LRRC69: variants seen among roughly 807,000 people sequenced by gnomAD.
The protein encoded by LRRC69 is leucine-rich repeat-containing protein 69.
LRRC69 carries 42 observed loss-of-function variants against 37.8 expected under a neutral mutation model. The observed-to-expected ratio is 1.11, with a 90% confidence interval of 0.87 to 1.44. The LOEUF (loss-of-function observed/expected upper bound fraction) is 1.44, where lower values mean the gene tolerates loss of function less well. Ranked by LOEUF, LRRC69 falls within the 40% of genes most tolerant of loss-of-function variation. The pLI is 0.00. For synonymous variants in LRRC69, 141 were observed against 143.1 expected (o/e 0.99, Z 0.11); for missense variants, 357 against 401.9 (o/e 0.89, Z 0.96).
chr8:91,185,858 G>A (rs909157407), intron 5 of LRRC69, among the ~76,000 whole-genome samples: 2 of 152,022 alleles, frequency 1.3e-5, no homozygotes, highest in Non-Finnish European at 2.9e-5. Context: ...AATGCACAGG[G>A]ATTTGTCATA....
At chr8:91,212,877 A>T (rs1809958745) in intron 7 of LRRC69, among the ~76,000 whole-genome samples, 1 of 151,978 alleles carries the variant, frequency 6.6e-6, no homozygotes, top group South Asian at 2.1e-4. Context: ...CAAAAATAAC[A>T]AAACAATTAG....
At chr8:91,133,483 C>A in intron 4 of LRRC69, 178 bp downstream of exon 4, 1 of 471,858 alleles carries the variant, frequency 2.1e-6, no homozygotes, top group Non-Finnish European at 3.6e-6. Flanking sequence ...TGAATTATCC[C>A]ACATAGCTAG....
chr8:91,207,628 A>T (rs561873473), intron 7 of LRRC69, among the ~76,000 whole-genome samples: 143 of 152,348 alleles, frequency 9.4e-4, no homozygotes, highest in African/African-American at 3.3e-3. Context: ...CTAGGGAGGC[A>T]TTTAGAATAG....
At chr8:91,137,201 T>C (rs7009170) in intron 5 of LRRC69, among the ~76,000 whole-genome samples, 110,490 of 151,820 alleles carry the variant, frequency 0.73, 41,539 homozygotes, top group African/African-American at 0.9. Context: ...CTTGAAAATG[T>C]GACATGGTTT....
intron 5 of LRRC69, among the ~76,000 whole-genome samples, chr8:91,153,971 A>G (rs954669478): frequency 1.3e-5 from 2 of 151,844 alleles, no homozygotes; most frequent in African/African-American, 4.8e-5. Context: ...ACTGCTAGCT[A>G]CACTAATAAA....
At chr8:91,158,158 A>G (rs1298034123) in intron 5 of LRRC69, 3 of 1,603,644 alleles carry the variant, frequency 1.9e-6, no homozygotes, top group Middle Eastern at 1.7e-4. Flanking sequence ...GGAAAATCCC[A>G]GAAAGATCTG....
chr8:91,133,219 C>T (rs1362631815), exon 4 of LRRC69: 3 of 1,542,246 alleles, frequency 1.9e-6, no homozygotes, highest in Non-Finnish European at 2.6e-6. Flanking sequence ...CTACAATCAG[C>T]TGATATGCAT....
intron 5 of LRRC69, among the ~76,000 whole-genome samples, chr8:91,159,766 T>C (rs10094429): frequency 0.68 from 102,517 of 150,876 alleles, 35,376 homozygotes; most frequent in Middle Eastern, 0.74. Context: ...CATGGCAAAA[T>C]ATTAACATCT....
chr8:91,193,096 A>C (rs1809530116), intron 6 of LRRC69, among the ~76,000 whole-genome samples: 4 of 143,018 alleles, frequency 2.8e-5, no homozygotes, highest in East Asian at 2.1e-4. Context: ...ACCATTTATT[A>C]AATAGGGAAT....
chr8:91,171,208 T>TATTG (rs1429695974), intron 5 of LRRC69, among the ~76,000 whole-genome samples: 7 of 152,040 alleles, frequency 4.6e-5, no homozygotes, highest in Non-Finnish European at 7.3e-5. Flanking sequence ...TCTCAACCAT[T>TATTG]TTTACATTAT....
At chr8:91,149,544 T>C (rs1477499595) in intron 5 of LRRC69, among the ~76,000 whole-genome samples, 1 of 151,756 alleles carries the variant, frequency 6.6e-6, no homozygotes, top group Non-Finnish European at 1.5e-5. Context: ...GTTCTTTTGG[T>C]TTTGGATCGA....
chr8:91,203,839 G>C (rs1286475615), intron 7 of LRRC69, among the ~76,000 whole-genome samples: 1 of 151,930 alleles, frequency 6.6e-6, no homozygotes, highest in Non-Finnish European at 1.5e-5. Context: ...AAGATTTCTA[G>C]CCGGGCACGG....
rs1813766976 is a variant in LRRC69 at position 91,129,202 on chromosome 8, A to C, written c.383+2042A>C. On this transcript the variant is annotated intron_variant, in intron 3 of 7. Transcript: ENST00000448384. Reference sequence around the variant, plus strand: ...AGAGGACAGCATGGGCATCCTGGTGACAGAATGAGTCTGGAAGACAGAGAG... The same window carrying C: ...AGAGGACAGCATGGGCATCCTGGTGCCAGAATGAGTCTGGAAGACAGAGAG... Among the ~76,000 whole-genome samples, 3 of 151,988 alleles carry C rather than the reference A, an allele frequency of 2.0e-5. 1 individual carries two copies. Among genetic ancestry groups the C allele is most frequent in the Admixed American group, 2.0e-4 (3 of 15,244 alleles).
chr8:91,190,603 C>A (rs1369572941), intron 6 of LRRC69, among the ~76,000 whole-genome samples: 2 of 152,014 alleles, frequency 1.3e-5, no homozygotes, highest in Non-Finnish European at 2.9e-5. Flanking sequence ...GAATAGCTTT[C>A]CAATCAGTAA....
chr8:91,124,008 G>C (rs116207841), intron 1 of LRRC69, among the ~76,000 whole-genome samples: 1,694 of 152,046 alleles, frequency 0.011, 41 homozygotes, highest in African/African-American at 0.039. Context: ...ACAGCCTGCA[G>C]TACCAGGCTG....
rs191538543 is a variant in LRRC69, at chr8:91,153,427, G to T, written c.651+17688G>T. 1.7e-4 allele frequency among the ~76,000 whole-genome samples: 25 copies of T among 150,774 alleles called. 4 individuals are homozygous for T. The highest frequency in any genetic ancestry group is 5.6e-4 in the African/African-American group (23 of 41,358). On this transcript the variant is annotated intron_variant, in intron 5 of 7. Transcript: ENST00000448384. ...GAATATACAGTCTTCTCAGTGCCAC[G>T]TGGTACTTACTCTAAAATTGATGAA...
exon 3 of LRRC69, chr8:91,127,136 C>T (rs1225685887): frequency 6.1e-5 from 95 of 1,548,106 alleles, no homozygotes; most frequent in South Asian, 1.6e-4. Flanking sequence ...AATCATCTTA[C>T]GCAGCTTCCT....
intron 6 of LRRC69, among the ~76,000 whole-genome samples, chr8:91,196,839 G>T (rs905004459): frequency 2.0e-5 from 3 of 152,124 alleles, no homozygotes; most frequent in Non-Finnish European, 2.9e-5. Context: ...CCTTCTCTCA[G>T]CTTGTCAAAG....
intron 5 of LRRC69, among the ~76,000 whole-genome samples, chr8:91,151,521 A>AT (rs1808737478): frequency 6.7e-6 from 1 of 148,666 alleles, no homozygotes; most frequent in Non-Finnish European, 1.5e-5. Flanking sequence ...TATGTACCAC[A>AT]TTTTTTTAAT....
Sources: gnomAD v4.1 joint callset for allele counts (sites outside exome capture counted in the v4.1 genomes callset) on GRCh38, gnomAD v4.1.1 for gene constraint, MANE v1.5 for transcripts, NCBI Gene and HGNC (gene_info 2026-07-23, HGNC 2026-07-21) for gene names.